Variants in CFAP299 observed in about 807,000 individuals in gnomAD.
The protein encoded by CFAP299 is cilia- and flagella-associated protein 299.
A neutral mutation model predicts 27.0 loss-of-function variants in CFAP299; 21 were observed. That is an observed-to-expected ratio of 0.78 (90% CI 0.55 to 1.12). The LOEUF (loss-of-function observed/expected upper bound fraction) is 1.12, where lower values mean the gene tolerates loss of function less well. Among genes scored for constraint, CFAP299 ranks in the 50% most tolerant of loss-of-function variants. CFAP299 has a pLI of 0.00. For synonymous variants in CFAP299, 104 were observed against 98.1 expected (o/e 1.06, Z -0.36); for missense variants, 310 against 276.6 (o/e 1.12, Z -0.86).
At chr4:80,485,702 A>G (rs1398900344) in intron 2 of CFAP299, among the ~76,000 whole-genome samples, 1 of 152,214 alleles carries the variant, frequency 6.6e-6, no homozygotes, top group African/African-American at 2.4e-5. Flanking sequence ...AGAGAAAAGG[A>G]AAGAAAAAAG....
At chr4:80,451,516 A>G (rs1728902950) in intron 2 of CFAP299, among the ~76,000 whole-genome samples, 1 of 152,252 alleles carries the variant, frequency 6.6e-6, no homozygotes, top group African/African-American at 2.4e-5. Flanking sequence ...TTCTCAATGT[A>G]GTAAAGATTT....
intron 2 of CFAP299, among the ~76,000 whole-genome samples, chr4:80,437,617 G>A (rs1209337559): frequency 2.0e-5 from 3 of 152,114 alleles, no homozygotes; most frequent in Admixed American, 6.6e-5. Context: ...CTCCAGAGGG[G>A]AGACACTATC....
chr4:80,858,714 C>T (rs931148723), intron 3 of CFAP299, among the ~76,000 whole-genome samples: 37 of 152,138 alleles, frequency 2.4e-4, no homozygotes, highest in South Asian at 4.2e-4. Context: ...TATAGTTGAG[C>T]GGTTTTGAGT....
chr4:80,321,497 C>A, the CFAP299 span, among the ~76,000 whole-genome samples: 12 of 152,222 alleles, frequency 7.9e-5, no homozygotes, highest in East Asian at 2.1e-3. Context: ...CTCTGCTGGG[C>A]CTGTGGCCAC....
chr4:80,615,136 A>T (rs1416094518), intron 3 of CFAP299, among the ~76,000 whole-genome samples: 1 of 152,164 alleles, frequency 6.6e-6, no homozygotes, highest in Non-Finnish European at 1.5e-5. Context: ...CTATGCAGCC[A>T]CTAACTTTTG....
chr4:80,460,263 AG>A (rs1316382489), intron 2 of CFAP299, among the ~76,000 whole-genome samples: 1 of 152,088 alleles, frequency 6.6e-6, no homozygotes, highest in Non-Finnish European at 1.5e-5. Context: ...TAGGAGGGGT[AG>A]GGGGAGCCGG....
At chr4:80,491,151 A>C (rs1731113098) in intron 2 of CFAP299, among the ~76,000 whole-genome samples, 1 of 152,116 alleles carries the variant, frequency 6.6e-6, no homozygotes, top group Non-Finnish European at 1.5e-5. Flanking sequence ...AATAACTGTA[A>C]TATGCTTTTC....
intron 3 of CFAP299, among the ~76,000 whole-genome samples, chr4:80,829,949 T>G (rs920072485): frequency 1.3e-5 from 2 of 151,980 alleles, no homozygotes; most frequent in Admixed American, 6.6e-5. Flanking sequence ...GCTTATTGCT[T>G]AAAGGGTATA....
intron 4 of CFAP299, among the ~76,000 whole-genome samples, chr4:80,881,212 T>G (rs1381740663): frequency 6.6e-6 from 1 of 152,200 alleles, no homozygotes; most frequent in Non-Finnish European, 1.5e-5. Context: ...AGAGCCCAGT[T>G]CCAAGGAAAG....
intron 3 of CFAP299, among the ~76,000 whole-genome samples, chr4:80,855,373 T>C (rs1731789778): frequency 6.6e-6 from 1 of 151,976 alleles, no homozygotes; most frequent in Non-Finnish European, 1.5e-5. Flanking sequence ...AATCATCTTA[T>C]TCTTTTTTAT....
At chr4:80,382,651 T>G (rs1724763037) in intron 2 of CFAP299, among the ~76,000 whole-genome samples, 1 of 151,984 alleles carries the variant, frequency 6.6e-6, no homozygotes, top group Non-Finnish European at 1.5e-5. Flanking sequence ...CTCACACAAG[T>G]CAGAATGGCT....
chr4:80,814,153 A>T (rs1450189710), intron 3 of CFAP299, among the ~76,000 whole-genome samples: 1 of 152,050 alleles, frequency 6.6e-6, no homozygotes, highest in Non-Finnish European at 1.5e-5. Context: ...GTAGAAGACT[A>T]CTTCTTAAAA....
At chr4:80,593,135 G>A (rs1736869069) in intron 3 of CFAP299, among the ~76,000 whole-genome samples, 1 of 152,130 alleles carries the variant, frequency 6.6e-6, no homozygotes, top group Non-Finnish European at 1.5e-5. Flanking sequence ...TATATTGGCA[G>A]GTGCTATTCT....
At chr4:80,456,473 C>G (rs1320505147) in intron 2 of CFAP299, among the ~76,000 whole-genome samples, 1 of 151,962 alleles carries the variant, frequency 6.6e-6, no homozygotes, top group African/African-American at 2.4e-5. Context: ...GGTGGAAGTG[C>G]TGAGGGATGT....
intron 4 of CFAP299, among the ~76,000 whole-genome samples, chr4:80,922,111 T>C (rs1482118155): frequency 1.3e-5 from 2 of 151,994 alleles, no homozygotes; most frequent in Non-Finnish European, 2.9e-5. Flanking sequence ...AAAAAGAACA[T>C]GGAAATTATA....
chr4:80,693,975 A>G (rs1451951273), intron 3 of CFAP299, among the ~76,000 whole-genome samples: 4 of 152,166 alleles, frequency 2.6e-5, no homozygotes, highest in Admixed American at 2.6e-4. Context: ...GTCACTGAGG[A>G]AATCATTCCT....
At chr4:80,333,623 A>G (rs1722017605), upstream of CFAP299, among the ~76,000 whole-genome samples, 1 of 152,206 alleles carries the variant, frequency 6.6e-6, no homozygotes, top group Admixed American at 6.5e-5. Context: ...TCCACCAAGT[A>G]AGTACCTTAA....
intron 3 of CFAP299, among the ~76,000 whole-genome samples, chr4:80,683,858 A>G (rs1185194126): frequency 6.6e-6 from 1 of 152,228 alleles, no homozygotes; most frequent in Non-Finnish European, 1.5e-5. Flanking sequence ...TATTTGTTTA[A>G]AAATGCTTAC....
At chr4:80,768,167 C>A (rs1350769782) in intron 3 of CFAP299, among the ~76,000 whole-genome samples, 1 of 152,162 alleles carries the variant, frequency 6.6e-6, no homozygotes, top group African/African-American at 2.4e-5. Context: ...TCATCAGTAA[C>A]CAAACATCAG....
Sources: allele counts gnomAD v4.1 joint callset (sites outside exome capture counted in the v4.1 genomes callset), GRCh38; gene constraint gnomAD v4.1.1; transcripts MANE v1.5; gene names NCBI Gene and HGNC (gene_info 2026-07-23, HGNC 2026-07-21).